The following DTD1 variants were observed in gnomAD, a reference collection of about 807,000 sequenced individuals.
DTD1 encodes the protein D-aminoacyl-tRNA deacylase 1, also known as D-tyrosyl-tRNA deacylase 1 homolog.
In DTD1, 13 loss-of-function variants were observed where a neutral mutation model predicts 25.6. The ratio of observed to expected loss-of-function variants is 0.51; its 90% confidence interval spans 0.33 to 0.81. The LOEUF is 0.81. Ranked by LOEUF, DTD1 falls within the 30% of genes least tolerant of loss-of-function variation. The pLI, the probability that DTD1 is intolerant of heterozygous loss-of-function variation, is 0.02. For synonymous variants in DTD1, 110 were observed against 103.6 expected (o/e 1.06, Z -0.37); for missense variants, 193 against 266.4 (o/e 0.72, Z 1.92).
intron 4 of DTD1, among the ~76,000 whole-genome samples, chr20:18,734,474 G>A (rs879356282): frequency 1.3e-5 from 2 of 152,200 alleles, no homozygotes; most frequent in Non-Finnish European, 2.9e-5. Context: ...TTGCTACAAA[G>A]GGCAGTGGGC....
Position 18,650,758 on chromosome 20 carries a change from G to C in DTD1, c.477+22525G>C, listed in dbSNP as rs192587701. On this transcript the variant is annotated intron_variant, in intron 4 of 5. Coordinates refer to ENST00000377452, the MANE Select transcript of DTD1 (RefSeq NM_080820.6). ...TAAGGTTGTAACATGGGATAAAGCA[G>C]GCATTACAAACTAAAGGCAGATGGA... 2.6e-5 allele frequency among the ~76,000 whole-genome samples: 4 copies of C among 152,276 alleles called. No homozygotes were observed. In the East Asian group the frequency reaches 5.8e-4, roughly 22 times the overall value.
At chr20:18,715,079 G>T (rs2061174826) in intron 4 of DTD1, among the ~76,000 whole-genome samples, 2 of 152,092 alleles carry the variant, frequency 1.3e-5, no homozygotes, top group South Asian at 2.1e-4. Context: ...CACCAGGCTG[G>T]GCCAGCTGGG....
Position 18,708,319 on chromosome 20 carries a change from AT to A in DTD1, c.478-35779del, listed in dbSNP as rs1568677063. Among the ~76,000 whole-genome samples the A allele has an allele frequency of 5.5e-3, 232 of 42,364 alleles. 6 individuals carry two copies. The highest frequency in any genetic ancestry group is 7.4e-3 in the African/African-American group (96 of 12,942). The allele number at this position is 42,364 out of a possible 152,430, so 27.8% of individuals were successfully genotyped here. On this transcript the variant is annotated intron_variant, in intron 4 of 5. Coordinates refer to ENST00000377452, the MANE Select transcript of DTD1 (RefSeq NM_080820.6). ...TATAATATATATATTTTATATATAT[AT>A]TATATATATATATTTTATATATATA...
intron 3 of DTD1, among the ~76,000 whole-genome samples, chr20:18,601,768 A>C (rs2060636362): frequency 6.6e-6 from 1 of 152,072 alleles, no homozygotes; most frequent in Admixed American, 6.6e-5. Flanking sequence ...CCGAAAACCC[A>C]TCTGTACATC....
At chr20:18,714,585 C>T (rs56312444) in intron 4 of DTD1, among the ~76,000 whole-genome samples, 253 of 152,252 alleles carry the variant, frequency 1.7e-3, no homozygotes, top group Middle Eastern at 3.4e-3. Flanking sequence ...AGCACAGATC[C>T]GGGGTGGTGG....
chr20:18,704,536 C>CT (rs1426367577), intron 4 of DTD1, among the ~76,000 whole-genome samples: 1 of 152,154 alleles, frequency 6.6e-6, no homozygotes, highest in Non-Finnish European at 1.5e-5. Context: ...GACAGAAATT[C>CT]TAAGAACAGA....
chr20:18,593,774 G>T lies in DTD1; in HGVS notation c.87G>T (p.Val29=), dbSNP rs1049311464. The T allele has an allele frequency of 6.2e-7, 1 of 1,614,068 alleles. No individual in the cohort carries two copies. Among genetic ancestry groups the T allele is most frequent in the Non-Finnish European group, 8.5e-7 (1 of 1,179,944 alleles). ...GTGCCATTGGAAGGGGCATATGTGT[G>T]TTGCTGGGTATTTCCCTGGAGGATA... The part of the protein sequence containing the change: ...QISAIGRGIC[V]LLGISLEDTQ... Residue 29 remains valine (V), a synonymous_variant, in exon 2 of 6, where the codon GTG becomes GTT. Coordinates refer to ENST00000377452, the MANE Select transcript of DTD1 (RefSeq NM_080820.6).
At chr20:18,707,164 C>T (rs1000311056) in intron 4 of DTD1, among the ~76,000 whole-genome samples, 3 of 152,314 alleles carry the variant, frequency 2.0e-5, no homozygotes, top group Non-Finnish European at 4.4e-5. Flanking sequence ...AGACGACTCC[C>T]GTTTCCTTAG....
intron 4 of DTD1, among the ~76,000 whole-genome samples, chr20:18,682,048 G>T (rs140107735): frequency 1.3e-5 from 2 of 152,180 alleles, no homozygotes; most frequent in African/African-American, 2.4e-5. Context: ...GCCCACAGGC[G>T]TTAACAGTAC....
Position 18,596,219 on chromosome 20 carries a change from A to G in DTD1, c.348A>G (p.Thr116=), listed in dbSNP as rs148004891. 216 of 1,614,114 alleles carry G rather than the reference A, an allele frequency of 1.3e-4. No homozygotes were observed. In the African/African-American group the frequency reaches 2.1e-3, roughly 16 times the overall value. ...YNSFLEQLRK[T]YRPELIKDGK... is the part of the protein sequence containing the mutation. ...GCTTCCTGGAGCAGCTGCGTAAAAC[A>G]TACAGGCCGGAGCTTATCAAAGGTA... is the stretch of plus-strand genomic sequence containing the variant. Residue 116 remains threonine, a synonymous_variant, in exon 3 of 6, where the codon ACA becomes ACG. Coordinates refer to ENST00000377452, the MANE Select transcript of DTD1 (RefSeq NM_080820.6).
intron 4 of DTD1, among the ~76,000 whole-genome samples, chr20:18,694,983 A>G (rs1568671599): frequency 6.6e-6 from 1 of 152,156 alleles, no homozygotes; most frequent in Admixed American, 6.5e-5. Context: ...CGCCCGACGT[A>G]TAGTATATGT....
At chr20:18,761,872 A>G (rs1181710317) in intron 5 of DTD1, among the ~76,000 whole-genome samples, 5 of 152,238 alleles carry the variant, frequency 3.3e-5, no homozygotes, top group Admixed American at 6.5e-5. Flanking sequence ...TGTTTCTAAT[A>G]GCTAAAAACT....
chr20:18,594,689 G>C (rs6045489), intron 2 of DTD1, among the ~76,000 whole-genome samples: 1 of 152,162 alleles, frequency 6.6e-6, no homozygotes, highest in Non-Finnish European at 1.5e-5. Context: ...TTCCTGCTAA[G>C]GTGTTGATGA....
Position 18,607,889 on chromosome 20 carries a change from T to C in DTD1, c.370+11648T>C, listed in dbSNP as rs1169408016. The stretch of plus-strand genomic sequence containing the variant: ...CCACCATGCCCAGCTAATTTTTGTA[T>C]TTTTAGTAGAGAAGGGGTTTCACCA... On this transcript the variant is annotated intron_variant, in intron 3 of 5. Transcript: ENST00000377452. Among the ~76,000 whole-genome samples, 3 of 152,030 alleles carry C rather than the reference T, an allele frequency of 2.0e-5. No individual in the cohort carries two copies. The East Asian group carries it at 5.8e-4, about 29-fold the overall frequency.
chr20:18,614,767 C>T (rs1745527092), intron 3 of DTD1, among the ~76,000 whole-genome samples: 3 of 152,138 alleles, frequency 2.0e-5, no homozygotes, highest in Admixed American at 2.0e-4. Flanking sequence ...TGTGTCCCAG[C>T]AAGCTCCCTA....
At position 18,749,915 on chromosome 20, in the gene DTD1, T is replaced by C. The variant is rs976794769; in HGVS notation, c.*19+5644T>C. ...AGAGGCCACGTTTTGTTTATACCGA[T>C]GTATATGGTACTGTCTGGGTTTTGG... On this transcript the variant is annotated intron_variant, in intron 5 of 5. Transcript: ENST00000377452. The surrounding 1 kb of genome is among the most constrained non-coding windows in gnomAD (Gnocchi z 4.2). Among the ~76,000 whole-genome samples the C allele has an allele frequency of 2.0e-5, 3 of 152,248 alleles. No homozygotes were observed. Among genetic ancestry groups the C allele is most frequent in the South Asian group, 2.1e-4 (1 of 4,832 alleles).
chr20:18,762,935 AC>A (rs2122546057), intron 5 of DTD1, among the ~76,000 whole-genome samples: 1 of 152,030 alleles, frequency 6.6e-6, no homozygotes, highest in Admixed American at 6.6e-5. Flanking sequence ...TGATTTGATA[AC>A]CTTTTTCTTT....
intron 4 of DTD1, among the ~76,000 whole-genome samples, chr20:18,701,381 T>A (rs1191098327): frequency 6.6e-6 from 1 of 152,256 alleles, no homozygotes; most frequent in Non-Finnish European, 1.5e-5. Flanking sequence ...ATAGAAATGG[T>A]CTTCTTTAAG....
chr20:18,622,901 A>G (rs1316409696), intron 3 of DTD1, among the ~76,000 whole-genome samples: 1 of 149,084 alleles, frequency 6.7e-6, no homozygotes, highest in African/African-American at 2.5e-5. Flanking sequence ...CCTCTCCTTC[A>G]CAGCTGGATT....
Sources: gnomAD v4.1 joint callset for allele counts (sites outside exome capture counted in the v4.1 genomes callset) on GRCh38, gnomAD v4.1.1 for gene constraint, Gnocchi (gnomAD v3.1) non-coding constraint, MANE v1.5 for transcripts, NCBI Gene and HGNC (gene_info 2026-07-23, HGNC 2026-07-21) for gene names.